The following ASIC2 variants were observed in gnomAD, a reference collection of about 807,000 sequenced individuals.
The protein encoded by ASIC2 is acid-sensing ion channel 2.
ASIC2 carries 25 observed loss-of-function variants against 57.3 expected under a neutral mutation model. That is an observed-to-expected ratio of 0.44 (90% CI 0.32 to 0.61). The LOEUF is 0.61. Among genes scored for constraint, ASIC2 ranks in the 20% least tolerant of loss-of-function variants. The probability of loss-of-function intolerance (pLI) is 0.06; values close to 1 mark genes in which losing one functional copy is unlikely to be tolerated. For missense variants in ASIC2, 641 were observed against 738.1 expected (o/e 0.87, Z 1.52); for synonymous variants, 319 against 307.5 (o/e 1.04, Z -0.39).
intron 1 of ASIC2, among the ~76,000 whole-genome samples, chr17:33,456,642 T>TA (rs1912462587): frequency 6.6e-6 from 1 of 152,206 alleles, no homozygotes; most frequent in African/African-American, 2.4e-5. Flanking sequence ...GCCAGGTGCT[T>TA]AGCAGGTGAT....
chr17:33,136,700 C>T (rs2092368372), intron 1 of ASIC2, among the ~76,000 whole-genome samples: 1 of 152,208 alleles, frequency 6.6e-6, no homozygotes, highest in South Asian at 2.1e-4. Flanking sequence ...CATGGCTTCT[C>T]CACTTTCCTT....
chr17:33,923,929 G>A (rs971210640), intron 1 of ASIC2, among the ~76,000 whole-genome samples: 4 of 152,174 alleles, frequency 2.6e-5, no homozygotes, highest in Non-Finnish European at 5.9e-5. Flanking sequence ...CATGGCAGAA[G>A]ATACAGGGAA....
chr17:34,155,743 G>A (rs1190636654), intron 1 of ASIC2: 4 of 510,286 alleles, frequency 7.8e-6, no homozygotes, highest in Middle Eastern at 5.0e-4. Context: ...ATCCCCCACC[G>A]CAAGCCCCCC....
intron 1 of ASIC2, among the ~76,000 whole-genome samples, chr17:33,597,616 C>G (rs528961903): frequency 6.6e-6 from 1 of 152,072 alleles, no homozygotes; most frequent in East Asian, 1.9e-4. Context: ...TATATAAAAA[C>G]TCCTTTGTTG....
At chr17:33,440,435 T>C (rs73983688) in intron 1 of ASIC2, among the ~76,000 whole-genome samples, 6,858 of 152,320 alleles carry the variant, frequency 0.045, 497 homozygotes, top group African/African-American at 0.16. Flanking sequence ...AACAATTGCA[T>C]ACAAGTCTTT....
intron 1 of ASIC2, among the ~76,000 whole-genome samples, chr17:33,557,965 C>G (rs1915959327): frequency 1.3e-5 from 2 of 152,046 alleles, no homozygotes; most frequent in Admixed American, 6.6e-5. Flanking sequence ...AAAGACTAAT[C>G]TGTTACTCAT....
At chr17:33,066,935 G>A (rs1275657177) in intron 3 of ASIC2, among the ~76,000 whole-genome samples, 3 of 152,200 alleles carry the variant, frequency 2.0e-5, no homozygotes, top group Non-Finnish European at 4.4e-5. Flanking sequence ...AGGGCAGTAA[G>A]TAGTACTCTT....
intron 1 of ASIC2, among the ~76,000 whole-genome samples, chr17:33,722,875 G>A (rs1909430861): frequency 6.6e-6 from 1 of 152,182 alleles, no homozygotes; most frequent in Admixed American, 6.5e-5. Flanking sequence ...GAACCAAAAT[G>A]TGATACCACT....
intron 1 of ASIC2, among the ~76,000 whole-genome samples, chr17:33,413,345 T>C (rs559541792): frequency 2.6e-5 from 4 of 152,346 alleles, no homozygotes; most frequent in Admixed American, 2.6e-4. Flanking sequence ...TTAAAGCCAT[T>C]AGCACCAATG....
intron 1 of ASIC2, among the ~76,000 whole-genome samples, chr17:33,859,470 C>A (rs1031588584): frequency 3.9e-5 from 6 of 152,164 alleles, no homozygotes; most frequent in African/African-American, 1.4e-4. Flanking sequence ...GAAAGAAACC[C>A]AAGCTCAATC....
chr17:33,138,754 C>A (rs150110787), intron 1 of ASIC2, among the ~76,000 whole-genome samples: 7 of 83,030 alleles, frequency 8.4e-5, no homozygotes, highest in Middle Eastern at 5.8e-3. Context: ...CAAGTTTTTC[C>A]AGGCAATGTG....
chr17:33,752,440 G>A (rs1445026621), intron 1 of ASIC2, among the ~76,000 whole-genome samples: 1 of 151,914 alleles, frequency 6.6e-6, no homozygotes, highest in Non-Finnish European at 1.5e-5. Context: ...CAGACTGGAA[G>A]AAAACATTTA....
chr17:33,970,280 G>A (rs1256723571), intron 1 of ASIC2, among the ~76,000 whole-genome samples: 1 of 152,164 alleles, frequency 6.6e-6, no homozygotes, highest in Non-Finnish European at 1.5e-5. Flanking sequence ...AACCAGTGGG[G>A]TAGTTGGATA....
intron 1 of ASIC2, among the ~76,000 whole-genome samples, chr17:33,780,326 C>T (rs1158486277): frequency 6.6e-6 from 1 of 152,120 alleles, no homozygotes; most frequent in Non-Finnish European, 1.5e-5. Context: ...TGGCAGACCA[C>T]AAGTGGGCTG....
chr17:33,363,069 C>A (rs370811717), intron 1 of ASIC2, among the ~76,000 whole-genome samples: 1 of 152,084 alleles, frequency 6.6e-6, no homozygotes, highest in African/African-American at 2.4e-5. Context: ...AATATATGGG[C>A]CCCAACAGCA....
chr17:33,524,698 C>T (rs9911117), intron 1 of ASIC2, among the ~76,000 whole-genome samples: 35,119 of 151,784 alleles, frequency 0.23, 4,485 homozygotes, highest in African/African-American at 0.33. Context: ...CAGTTTGAGT[C>T]CCTCCACCTC....
At chr17:33,693,650 A>G (rs928087405) in intron 1 of ASIC2, among the ~76,000 whole-genome samples, 9 of 152,236 alleles carry the variant, frequency 5.9e-5, no homozygotes, top group African/African-American at 1.9e-4. Context: ...AGGAGAATAA[A>G]GAGAAGAGGG....
chr17:33,562,604 C>G (rs1334810168), intron 1 of ASIC2, among the ~76,000 whole-genome samples: 1 of 152,136 alleles, frequency 6.6e-6, no homozygotes, highest in African/African-American at 2.4e-5. Context: ...TGAGTCTTGC[C>G]TGATAAGGGA....
chr17:33,394,685 C>T (rs924273897), intron 1 of ASIC2, among the ~76,000 whole-genome samples: 2 of 152,112 alleles, frequency 1.3e-5, no homozygotes, highest in African/African-American at 4.8e-5. Context: ...CAGTGAGTGC[C>T]TCCTTAAGTT....
Sources: allele counts gnomAD v4.1 joint callset (sites outside exome capture counted in the v4.1 genomes callset), GRCh38; gene constraint gnomAD v4.1.1; transcripts MANE v1.5; gene names NCBI Gene and HGNC (gene_info 2026-07-23, HGNC 2026-07-21).